The following PKN2 variants were observed in gnomAD, a reference collection of about 807,000 sequenced individuals.
PKN2 encodes protein kinase N2.
A neutral mutation model predicts 119.1 loss-of-function variants in PKN2; 38 were observed. That is an observed-to-expected ratio of 0.32 (90% confidence interval 0.25 to 0.42). PKN2 has a LOEUF of 0.42. Ranked by LOEUF, PKN2 falls within the 10% of genes least tolerant of loss-of-function variation. The pLI is 1.00. For synonymous variants in PKN2, 390 were observed against 384.9 expected, an observed-to-expected ratio of 1.01 and a Z score of -0.15; for missense variants, 850 against 1,165.1, an observed-to-expected ratio of 0.73 and a Z score of 3.94.
At position 88,830,965 on chromosome 1, in the gene PKN2, A is replaced by C. The variant is rs1672705354; in HGVS notation, c.2563-1779A>C. The stretch of plus-strand genomic sequence containing the variant: ...TATGTCAGATTTCTCTATTATTACA[A>C]ATAATTGTAAACTCACCGGATATAT... On this transcript the variant is annotated intron_variant, in intron 19 of 21. Coordinates refer to ENST00000370521, the MANE Select transcript of PKN2 (RefSeq NM_006256.4). Among the ~76,000 whole-genome samples the C allele has an allele frequency of 2.0e-5, 3 of 152,174 alleles. No homozygotes were observed. The East Asian group carries it at 5.8e-4, about 29-fold the overall frequency.
At position 88,752,369 on chromosome 1, in the gene PKN2, CTTAT is replaced by C. The variant is rs1669037798; in HGVS notation, c.350-7850_350-7847del. Reference sequence around the variant, plus strand: ...CATTTAGCTTTACATATTTAACATACTTATTTCACAATCTGTATAGGATAAATAC... The same window carrying C: ...CATTTAGCTTTACATATTTAACATACTTCACAATCTGTATAGGATAAATAC... On this transcript the variant is annotated intron_variant, in intron 2 of 21. Transcript: ENST00000370521. Among the ~76,000 whole-genome samples the C allele has an allele frequency of 3.3e-5, 5 of 152,024 alleles. 1 individual carries two copies. In the South Asian group the frequency reaches 1.0e-3, roughly 32 times the overall value.
At chr1:88,709,049 ATAATAATCAATTTT>A (rs1311954648) in intron 1 of PKN2, among the ~76,000 whole-genome samples, 1 of 151,554 alleles carries the variant, frequency 6.6e-6, no homozygotes, top group East Asian at 1.9e-4. Flanking sequence ...TGTTTATATA[ATAATAATCAATTTT>A]TTTTTTTTGA....
intron 1 of PKN2, among the ~76,000 whole-genome samples, chr1:88,726,115 T>C (rs1414161115): frequency 6.6e-6 from 1 of 152,184 alleles, no homozygotes; most frequent in Non-Finnish European, 1.5e-5. Flanking sequence ...TGGGATTTTC[T>C]ATATACATGA....
chr1:88,735,767 CT>C (rs1222292191), intron 1 of PKN2, among the ~76,000 whole-genome samples: 3 of 151,840 alleles, frequency 2.0e-5, no homozygotes, highest in Non-Finnish European at 4.4e-5. Flanking sequence ...ATATTTTTGT[CT>C]TTGATCTTTG....
chr1:88,756,626 T>G (rs1442075143), intron 2 of PKN2, among the ~76,000 whole-genome samples: 1 of 152,236 alleles, frequency 6.6e-6, no homozygotes, highest in Non-Finnish European at 1.5e-5. Context: ...GCTATCTTTA[T>G]ATACCAAATT....
chr1:88,826,206 C>G (rs959371235), intron 18 of PKN2, among the ~76,000 whole-genome samples: 1 of 152,176 alleles, frequency 6.6e-6, no homozygotes, highest in Non-Finnish European at 1.5e-5. Flanking sequence ...GTTCCCGCTA[C>G]TTGACACAGG....
rs1297014569 is a variant in PKN2, at chr1:88,795,433, G to A, written c.1282-8958G>A. 2.6e-5 allele frequency among the ~76,000 whole-genome samples: 4 copies of A among 152,170 alleles called. No homozygotes were observed. In the East Asian group the frequency reaches 7.7e-4, roughly 29 times the overall value. On this transcript the variant is annotated intron_variant, in intron 8 of 21. Coordinates refer to ENST00000370521, the MANE Select transcript of PKN2 (RefSeq NM_006256.4). ...TGCTTCGTCCTAGCTCTATTGATAGGTCTTTCTTTCACAGACAAGATTCTT... is the reference window on the plus strand; with the variant it reads ...TGCTTCGTCCTAGCTCTATTGATAGATCTTTCTTTCACAGACAAGATTCTT...
intron 1 of PKN2, 81 bp downstream of exon 1, chr1:88,684,709 GC>G (rs1018228542): frequency 2.4e-6 from 3 of 1,245,206 alleles, no homozygotes; most frequent in Non-Finnish European, 3.2e-6. Flanking sequence ...ACCGAGGAAA[GC>G]CCTGCGGCCG....
chr1:88,732,425 G>C (rs539214638), intron 1 of PKN2, among the ~76,000 whole-genome samples: 1 of 152,200 alleles, frequency 6.6e-6, no homozygotes, highest in African/African-American at 2.4e-5. Flanking sequence ...CAGTATATCA[G>C]CTGCATATAC....
intron 1 of PKN2, among the ~76,000 whole-genome samples, chr1:88,723,930 A>G (rs749646745): frequency 2.0e-4 from 30 of 152,250 alleles, no homozygotes; most frequent in Non-Finnish European, 2.9e-4. Flanking sequence ...AATAATATTG[A>G]GACGTAGGCA....
chr1:88,694,369 A>G (rs1050798811), intron 1 of PKN2, among the ~76,000 whole-genome samples: 2 of 152,206 alleles, frequency 1.3e-5, no homozygotes, highest in Non-Finnish European at 2.9e-5. Flanking sequence ...TTGGAATCAT[A>G]CAGTGTGTAG....
At position 88,701,143 on chromosome 1, in the gene PKN2, G is replaced by A. The variant is rs145258067; in HGVS notation, c.48+16515G>A. Among the ~76,000 whole-genome samples the A allele has an allele frequency of 8.2e-4, 124 of 152,144 alleles. 1 individual carries two copies. The Middle Eastern group carries it at 0.014, about 17-fold the overall frequency. ...GAATACATATTGATGTTACTTAATCGTTAAAACAACTCAGTTGAGGCCGGG... is the reference window on the plus strand; with the variant it reads ...GAATACATATTGATGTTACTTAATCATTAAAACAACTCAGTTGAGGCCGGG... On this transcript the variant is annotated intron_variant, in intron 1 of 21. Coordinates refer to ENST00000370521, the MANE Select transcript of PKN2 (RefSeq NM_006256.4).
intron 1 of PKN2, among the ~76,000 whole-genome samples, chr1:88,700,405 C>CT (rs953395009): frequency 1.3e-5 from 2 of 151,852 alleles, no homozygotes; most frequent in African/African-American, 2.4e-5. Context: ...TTCCTTCTTC[C>CT]TTTTTTTTGT....
At chr1:88,724,966 G>A (rs896856216) in intron 1 of PKN2, among the ~76,000 whole-genome samples, 15 of 140,008 alleles carry the variant, frequency 1.1e-4, no homozygotes, top group South Asian at 2.3e-4. Flanking sequence ...GCACAATCTC[G>A]GCTCACTGCA....
chr1:88,767,220 TTTTATA>T (rs1430814638), intron 3 of PKN2, among the ~76,000 whole-genome samples: 1 of 152,172 alleles, frequency 6.6e-6, no homozygotes, highest in Non-Finnish European at 1.5e-5. Context: ...CTTACAAAAG[TTTTATA>T]TTTAAGAGAA....
intron 7 of PKN2, among the ~76,000 whole-genome samples, chr1:88,785,866 A>G (rs1014501600): frequency 1.3e-5 from 2 of 152,226 alleles, no homozygotes; most frequent in African/African-American, 2.4e-5. Context: ...TCACATGCCA[A>G]TGTAAACAAA....
chr1:88,763,944 C>T (rs1669553753), intron 3 of PKN2, among the ~76,000 whole-genome samples: 2 of 152,090 alleles, frequency 1.3e-5, no homozygotes, highest in Non-Finnish European at 2.9e-5. Flanking sequence ...GTAAAAATTG[C>T]CAACAGAACT....
chr1:88,684,548 C>T lies in PKN2; in HGVS notation c.-33C>T, dbSNP rs751662341. 7 of 1,535,758 alleles carry T rather than the reference C, an allele frequency of 4.6e-6. No individual in the cohort carries two copies. In the African/African-American group the frequency reaches 9.8e-5, roughly 22 times the overall value. On this transcript the variant is annotated 5_prime_UTR_variant, in exon 1 of 22. Coordinates refer to ENST00000370521, the MANE Select transcript of PKN2 (RefSeq NM_006256.4). ...GCCTTCTCCCTTCGCCAGAGGCGGC[C>T]GCGTCCAGGTGCGGAGTCCATACCG...
chr1:88,789,155 A>T (rs777975326), intron 8 of PKN2, among the ~76,000 whole-genome samples: 1 of 152,132 alleles, frequency 6.6e-6, no homozygotes, highest in South Asian at 2.1e-4. Flanking sequence ...AGCAGTTAGG[A>T]CAAGTAAAAA....
Sources: allele counts gnomAD v4.1 joint callset (sites outside exome capture counted in the v4.1 genomes callset), GRCh38; gene constraint gnomAD v4.1.1; transcripts MANE v1.5; gene names NCBI Gene and HGNC (gene_info 2026-07-23, HGNC 2026-07-21).